Variants in TSHZ2 observed in about 807,000 individuals in gnomAD.
TSHZ2 encodes teashirt zinc finger homeobox 2, also known as teashirt homolog 2.
In TSHZ2, 21 loss-of-function variants were observed where a neutral mutation model predicts 74.4. The observed-to-expected ratio is 0.28, with a 90% confidence interval of 0.20 to 0.41. The LOEUF (loss-of-function observed/expected upper bound fraction) is 0.41. Ranked by LOEUF, TSHZ2 falls within the 10% of genes least tolerant of loss-of-function variation. TSHZ2 has a pLI of 1.00. For missense variants in TSHZ2, 1,244 were observed against 1,293.5 expected, an observed-to-expected ratio of 0.96 and a Z score of 0.59; for synonymous variants, 540 against 515.3, an observed-to-expected ratio of 1.05 and a Z score of -0.65.
intron 2 of TSHZ2, among the ~76,000 whole-genome samples, chr20:53,435,644 G>C (rs1351417749): frequency 6.6e-6 from 1 of 152,186 alleles, no homozygotes; most frequent in African/African-American, 2.4e-5. Flanking sequence ...CTCCTGAGTA[G>C]CTGGGATTAC....
rs539353640 is a variant in TSHZ2, at chr20:53,012,286, G to A, written c.40+38953G>A. On this transcript the variant is annotated intron_variant, in intron 1 of 2. Transcript: ENST00000371497. ...TTATCACCTTCCGTTCTTGTTTCCC[G>A]TCTCTGTTTCTGCTCAGTTAGCCAC... Among the ~76,000 whole-genome samples the A allele has an allele frequency of 5.9e-5, 9 of 152,142 alleles. No individual in the cohort carries two copies. The South Asian group carries it at 6.2e-4, about 11-fold the overall frequency.
chr20:53,045,242 A>G (rs1984185930), intron 1 of TSHZ2, among the ~76,000 whole-genome samples: 1 of 152,114 alleles, frequency 6.6e-6, no homozygotes. Context: ...TCATACGCTG[A>G]CTCTCACAGT....
intron 1 of TSHZ2, among the ~76,000 whole-genome samples, chr20:52,991,943 C>T (rs925268297): frequency 4.6e-5 from 7 of 152,118 alleles, no homozygotes; most frequent in Non-Finnish European, 7.3e-5. Flanking sequence ...AACATGAAGC[C>T]GACGTCACAG....
intron 1 of TSHZ2, among the ~76,000 whole-genome samples, chr20:53,095,646 A>C (rs1383030801): frequency 6.6e-6 from 1 of 152,174 alleles, no homozygotes; most frequent in East Asian, 1.9e-4. Flanking sequence ...TTTCAACCTA[A>C]GCACTCTTGA....
intron 2 of TSHZ2, among the ~76,000 whole-genome samples, chr20:53,343,461 G>T (rs1980304283): frequency 6.6e-6 from 1 of 152,162 alleles, no homozygotes; most frequent in Non-Finnish European, 1.5e-5. Flanking sequence ...CAGATAAAAA[G>T]AAATCTAGGC....
chr20:53,064,861 G>A (rs1293516683), intron 1 of TSHZ2, among the ~76,000 whole-genome samples: 7 of 152,308 alleles, frequency 4.6e-5, no homozygotes, highest in African/African-American at 1.7e-4. Context: ...TCCCCAGTGT[G>A]AGGAGCAGAT....
At chr20:53,020,418 T>C (rs762398067) in intron 1 of TSHZ2, among the ~76,000 whole-genome samples, 2 of 152,206 alleles carry the variant, frequency 1.3e-5, no homozygotes, top group African/African-American at 4.8e-5. Flanking sequence ...AAAACAGCCA[T>C]GTAGAGCCTA....
intron 2 of TSHZ2, among the ~76,000 whole-genome samples, chr20:53,341,420 A>G (rs1600819550): frequency 6.6e-6 from 1 of 152,148 alleles, no homozygotes; most frequent in South Asian, 2.1e-4. Flanking sequence ...TGGGATAATC[A>G]CAGAAGGAGG....
At chr20:53,143,158 G>T (rs1311214467) in intron 1 of TSHZ2, among the ~76,000 whole-genome samples, 1 of 152,136 alleles carries the variant, frequency 6.6e-6, no homozygotes, top group Non-Finnish European at 1.5e-5. Context: ...TTATTAAGGG[G>T]CCTGTAGGAG....
intron 1 of TSHZ2, among the ~76,000 whole-genome samples, chr20:53,089,320 C>CT (rs5841928): frequency 0.1 from 10,483 of 99,986 alleles, 1,139 homozygotes; most frequent in African/African-American, 0.3. Flanking sequence ...ATGGGATTTT[C>CT]TTTTTTTTTT....
chr20:53,231,754 C>T (rs562654305), intron 1 of TSHZ2, among the ~76,000 whole-genome samples: 1 of 152,326 alleles, frequency 6.6e-6, no homozygotes, highest in East Asian at 1.9e-4. Context: ...AACACACACT[C>T]ACACACTATT....
At chr20:53,436,026 A>G (rs548085162) in intron 2 of TSHZ2, among the ~76,000 whole-genome samples, 5 of 152,300 alleles carry the variant, frequency 3.3e-5, no homozygotes, top group African/African-American at 9.6e-5. Context: ...TGCTCCGTCA[A>G]TTTTTCTTTT....
intron 1 of TSHZ2, among the ~76,000 whole-genome samples, chr20:53,087,369 C>A (rs527973507): frequency 2.6e-5 from 4 of 152,294 alleles, no homozygotes; most frequent in Admixed American, 6.5e-5. Flanking sequence ...CACACAAATC[C>A]CTTGGCAGTT....
At chr20:53,190,086 A>AAAATATAT (rs1988691932) in intron 1 of TSHZ2, among the ~76,000 whole-genome samples, 1 of 25,064 alleles carries the variant, frequency 4.0e-5, no homozygotes. Flanking sequence ...CCCTGTCTCA[A>AAAATATAT]ATATATATAT....
intron 2 of TSHZ2, among the ~76,000 whole-genome samples, chr20:53,350,797 G>A (rs923624461): frequency 7.2e-5 from 11 of 152,286 alleles, no homozygotes; most frequent in Admixed American, 7.2e-4. Context: ...GGAATATCCT[G>A]TATTTCTCTG....
chr20:52,974,640 A>G (rs1354337857), intron 1 of TSHZ2, among the ~76,000 whole-genome samples: 1 of 152,220 alleles, frequency 6.6e-6, no homozygotes, highest in Non-Finnish European at 1.5e-5. Context: ...TTGGTGGAAC[A>G]CTTTCATAAA....
At chr20:53,154,824 G>T (rs1987754766) in intron 1 of TSHZ2, among the ~76,000 whole-genome samples, 1 of 152,070 alleles carries the variant, frequency 6.6e-6, no homozygotes, top group Admixed American at 6.5e-5. Flanking sequence ...AAAGCACATA[G>T]CATAGTATCT....
At chr20:53,089,690 A>G (rs1332707941) in intron 1 of TSHZ2, among the ~76,000 whole-genome samples, 1 of 152,234 alleles carries the variant, frequency 6.6e-6, no homozygotes, top group African/African-American at 2.4e-5. Context: ...ATACGTGGCT[A>G]TAAGAGAACT....
In TSHZ2 at chr20:53,138,654, T is replaced by C. The variant is rs138977247; in HGVS notation, c.41-114845T>C. Reference sequence around the variant, plus strand: ...TTTTTCTACCTGATGGACTTCTATATATACTTCAAAACCCAGTTTACATGT... The same window carrying C: ...TTTTTCTACCTGATGGACTTCTATACATACTTCAAAACCCAGTTTACATGT... On this transcript the variant is annotated intron_variant, in intron 1 of 2. Coordinates refer to ENST00000371497, the MANE Select transcript of TSHZ2 (RefSeq NM_173485.6). Among the ~76,000 whole-genome samples the C allele has an allele frequency of 6.8e-4, 103 of 152,332 alleles. 1 individual carries two copies. The highest frequency in any genetic ancestry group is 2.4e-3 in the African/African-American group (98 of 41,568).
Sources: gnomAD v4.1 joint callset for allele counts (sites outside exome capture counted in the v4.1 genomes callset) on GRCh38, gnomAD v4.1.1 for gene constraint, MANE v1.5 for transcripts, NCBI Gene and HGNC (gene_info 2026-07-23, HGNC 2026-07-21) for gene names.